The following PTPN20 variants were observed in gnomAD, a reference collection of about 807,000 sequenced individuals.
PTPN20 encodes protein tyrosine phosphatase non-receptor type 20.
A neutral mutation model predicts 35.0 loss-of-function variants in PTPN20; 9 were observed. The ratio of observed to expected loss-of-function variants is 0.26; its 90% CI spans 0.15 to 0.45. The LOEUF (loss-of-function observed/expected upper bound fraction) is 0.45. Among genes scored for constraint, PTPN20 ranks in the 20% least tolerant of loss-of-function variants. The pLI is 1.00. For synonymous variants in PTPN20, 32 were observed against 100.2 expected (o/e 0.32, Z 4.06); for missense variants, 111 against 312.5 (o/e 0.36, Z 4.86).
At chr10:46,932,158 G>T (rs1276307181) in intron 1 of PTPN20, among the ~76,000 whole-genome samples, 1 of 151,252 alleles carries the variant, frequency 6.6e-6, no homozygotes, top group Non-Finnish European at 1.5e-5. Context: ...GGAATGCAAG[G>T]TATAGCATAT....
At position 47,001,882 on chromosome 10, in the gene PTPN20, G is replaced by A. The variant is rs1317665787; in HGVS notation, c.*1141G>A. 6.6e-6 allele frequency: 1 copy of A among 152,098 alleles called. No homozygotes were observed. Among genetic ancestry groups the A allele is most frequent in the East Asian group, 1.9e-4 (1 of 5,200 alleles). 9.4% of individuals were successfully genotyped at this position (152,098 alleles called of 1,614,324 possible). A position where few individuals can be genotyped will look rare whatever the true frequency, so the allele number is the denominator to read the frequency against. ...TTAATAGTGATATTTTGGACAAGGAGTTCTGGTGACAAGCTATACCTAATT... is the reference window on the plus strand; with the variant it reads ...TTAATAGTGATATTTTGGACAAGGAATTCTGGTGACAAGCTATACCTAATT... On this transcript the variant is annotated 3_prime_UTR_variant, in exon 11 of 11. Coordinates refer to ENST00000374339, the MANE Select transcript of PTPN20 (RefSeq NM_001042357.5).
intron 5 of PTPN20, among the ~76,000 whole-genome samples, chr10:46,950,317 A>G (rs1221567243): frequency 6.6e-6 from 1 of 151,228 alleles, no homozygotes; most frequent in Non-Finnish European, 1.5e-5. Context: ...ATTTTGTTTA[A>G]TGTGAAGATG....
chr10:47,002,680 A>G (rs1426948660), downstream of PTPN20, among the ~76,000 whole-genome samples: 1 of 151,894 alleles, frequency 6.6e-6, no homozygotes, highest in Non-Finnish European at 1.5e-5. Context: ...AAATATAAGC[A>G]TATATATATT....
At chr10:46,929,599 A>G (rs1386033558) in intron 1 of PTPN20, among the ~76,000 whole-genome samples, 4 of 151,324 alleles carry the variant, frequency 2.6e-5, no homozygotes, top group Non-Finnish European at 5.9e-5. Context: ...ATTTCTTGCC[A>G]TGTCTCCATT....
chr10:46,950,010 AAAT>A (rs2046194554), intron 5 of PTPN20, among the ~76,000 whole-genome samples: 1 of 102,560 alleles, frequency 9.8e-6, no homozygotes, highest in Non-Finnish European at 1.9e-5. Context: ...AATCATAGTG[AAAT>A]AATAATTTAC....
intron 5 of PTPN20, among the ~76,000 whole-genome samples, chr10:46,959,962 GA>G (rs1230251402): frequency 1.6e-5 from 1 of 63,420 alleles, no homozygotes; most frequent in African/African-American, 7.4e-5. Context: ...ATAAATTTAG[GA>G]AAAAGTCATC....
At chr10:47,000,605 G>A (rs1379490884) in intron 10 of PTPN20, 71 bp from the exon 11 acceptor site, 1 of 1,575,110 alleles carries the variant, frequency 6.3e-7, no homozygotes, top group African/African-American at 1.4e-5. Flanking sequence ...AATTACAAAT[G>A]TGTTTTCTGA....
In PTPN20 at chr10:46,999,946, A is replaced by G; in HGVS notation, c.1169A>G (p.Glu390Gly). The G allele has an allele frequency of 6.2e-7, 1 of 1,613,802 alleles. No homozygotes were observed. The highest frequency in any genetic ancestry group is 1.1e-5 in the South Asian group (1 of 91,066). The change falls in exon 10 of 11, where the codon GAA becomes GGA. Residue 390 changes from glutamate to glycine, a missense_variant. This residue lies in a region of PTPN20 where 61 missense variants were observed against 54.3 expected (regional missense o/e 1.12). Transcript: ENST00000374339. The stretch of plus-strand genomic sequence containing the variant: ...ATGGATATAGTGGCCCAAATGAGAG[A>G]ACAACGTTCTGGCATGGTTCAAACG... Reference protein sequence around the residue: ...NIMDIVAQMREQRSGMVQTKE... With the variant: ...NIMDIVAQMRGQRSGMVQTKE...
At chr10:46,976,408 T>TA (rs1329088927) in intron 7 of PTPN20, among the ~76,000 whole-genome samples, 3 of 125,418 alleles carry the variant, frequency 2.4e-5, no homozygotes, top group Non-Finnish European at 5.2e-5. Flanking sequence ...CTTTTTTTTT[T>TA]TTTTTTTTTT....
At chr10:46,999,138 A>T (rs2059667445) in intron 9 of PTPN20, among the ~76,000 whole-genome samples, 1 of 152,174 alleles carries the variant, frequency 6.6e-6, no homozygotes, top group Non-Finnish European at 1.5e-5. Context: ...TAAAAATTTT[A>T]ATTATAAAAA....
intron 5 of PTPN20, among the ~76,000 whole-genome samples, chr10:46,963,631 C>T (rs2050017428): frequency 1.1e-5 from 1 of 95,114 alleles, no homozygotes; most frequent in African/African-American, 6.2e-5. Flanking sequence ...CTCTTTTTTA[C>T]AAGACCAGCC....
chr10:46,949,107 T>C (rs1341943778), intron 5 of PTPN20, among the ~76,000 whole-genome samples: 7 of 151,906 alleles, frequency 4.6e-5, no homozygotes, highest in Non-Finnish European at 7.4e-5. Context: ...AGTGTAAGGC[T>C]TTTGTTCTGG....
chr10:46,936,729 C>CT (rs2041772693), intron 2 of PTPN20, among the ~76,000 whole-genome samples: 1 of 146,790 alleles, frequency 6.8e-6, no homozygotes, highest in Non-Finnish European at 1.5e-5. Flanking sequence ...TCGGCATCCA[C>CT]TGGGGGTCTT....
rs71501469 is a variant in PTPN20, at chr10:46,928,271, A to G, written c.-123-4106A>G. On this transcript the variant is annotated intron_variant, in intron 1 of 10. Coordinates refer to ENST00000374339, the MANE Select transcript of PTPN20 (RefSeq NM_001042357.5). ...GAGCTTGCTGCTCATGTCTGTGATGAGTGGGTAGCAACTATTTTTTAATGT... is the reference window on the plus strand; with the variant it reads ...GAGCTTGCTGCTCATGTCTGTGATGGGTGGGTAGCAACTATTTTTTAATGT... Among the ~76,000 whole-genome samples, 8 of 152,014 alleles carry G rather than the reference A, an allele frequency of 5.3e-5. No individual in the cohort carries two copies. The East Asian group carries it at 9.6e-4, about 18-fold the overall frequency.
At chr10:46,982,475 C>T (rs1220709272) in intron 7 of PTPN20, among the ~76,000 whole-genome samples, 29 of 152,130 alleles carry the variant, frequency 1.9e-4, no homozygotes, top group African/African-American at 6.5e-4. Context: ...TGCGCTGTGT[C>T]TTTTACCATT....
chr10:46,996,069 C>A (rs1253245013), intron 9 of PTPN20, among the ~76,000 whole-genome samples: 2 of 152,102 alleles, frequency 1.3e-5, no homozygotes, highest in East Asian at 1.9e-4. Context: ...TAATCTAATT[C>A]TCTTTAAGAT....
At chr10:46,997,852 T>C (rs2059412465) in intron 9 of PTPN20, among the ~76,000 whole-genome samples, 1 of 152,022 alleles carries the variant, frequency 6.6e-6, no homozygotes, top group South Asian at 2.1e-4. Flanking sequence ...AAAACCAGGA[T>C]GGAGTAGCAT....
At chr10:46,949,125 A>T (rs1309255672) in intron 5 of PTPN20, among the ~76,000 whole-genome samples, 1 of 151,952 alleles carries the variant, frequency 6.6e-6, no homozygotes, top group Non-Finnish European at 1.5e-5. Context: ...TGGGAGAAAT[A>T]GGTCTAAGTG....
At position 46,932,473 on chromosome 10, in the gene PTPN20, C is replaced by T. The variant is rs2040025532; in HGVS notation, c.-27C>T. On this transcript the variant is annotated 5_prime_UTR_variant, in exon 2 of 11. Coordinates refer to ENST00000374339, the MANE Select transcript of PTPN20 (RefSeq NM_001042357.5). ...CTCCTTTTCTGAAGAAGCCTTTTAC[C>T]AGTCTCATTTAGGGGATGGGAACAA... 6.2e-7 allele frequency: 1 copy of T among 1,611,920 alleles called. No homozygotes were observed.
Sources: allele counts gnomAD v4.1 joint callset (sites outside exome capture counted in the v4.1 genomes callset), GRCh38; gene constraint gnomAD v4.1.1; regional missense constraint gnomAD v4.1.1; transcripts MANE v1.5; gene names NCBI Gene and HGNC (gene_info 2026-07-23, HGNC 2026-07-21).